PRSS54: variants seen among roughly 807,000 people sequenced by gnomAD.
The protein encoded by PRSS54 is inactive serine protease 54.
PRSS54 carries 16 observed loss-of-function variants against 19.9 expected under a neutral mutation model. That is an observed-to-expected ratio of 0.80 (90% CI 0.54 to 1.22). The LOEUF (loss-of-function observed/expected upper bound fraction) is 1.22, where lower values mean the gene tolerates loss of function less well. PRSS54 is among the 50% of genes most tolerant of loss of function. PRSS54 has a pLI of 0.00. For synonymous variants in PRSS54, 177 were observed against 195.8 expected (o/e 0.90, Z 0.80); for missense variants, 444 against 494.8 (o/e 0.90, Z 0.97).
chr16:58,293,046 T>G (rs1440710699), intron 3 of PRSS54, among the ~76,000 whole-genome samples: 1 of 151,966 alleles, frequency 6.6e-6, no homozygotes, highest in Non-Finnish European at 1.5e-5. Flanking sequence ...TGCGTGTATG[T>G]GTGTGCAAGT....
At chr16:58,293,695 G>T in intron 3 of PRSS54, 37 bp downstream of exon 3, 1 of 1,591,204 alleles carries the variant, frequency 6.3e-7, no homozygotes, top group Non-Finnish European at 8.6e-7. Flanking sequence ...TGCCACGTGT[G>T]CAGCTAAAGT....
intron 4 of PRSS54, among the ~76,000 whole-genome samples, chr16:58,288,818 A>T (rs2142648286): frequency 6.6e-6 from 1 of 152,308 alleles, no homozygotes; most frequent in East Asian, 1.9e-4. Flanking sequence ...AAAAGAATGC[A>T]TTAGCCCTTT....
At chr16:58,286,270 A>C (rs943913490) in intron 4 of PRSS54, 75 bp from the exon 5 acceptor site, 4 of 1,518,342 alleles carry the variant, frequency 2.6e-6, no homozygotes, top group Non-Finnish European at 3.6e-6. Context: ...TTCCCATTTA[A>C]GTTTTTTCAG....
intron 4 of PRSS54, among the ~76,000 whole-genome samples, chr16:58,289,418 T>C (rs1270666741): frequency 1.3e-5 from 2 of 152,182 alleles, no homozygotes; most frequent in African/African-American, 4.8e-5. Flanking sequence ...GGTATATAGA[T>C]ATCCATGAGT....
chr16:58,293,867 T>G (rs994398278), intron 2 of PRSS54, 45 bp from the exon 3 acceptor site: 2 of 1,518,326 alleles, frequency 1.3e-6, no homozygotes, highest in Admixed American at 3.7e-5. Flanking sequence ...CCCAAACACA[T>G]GCAGGGTTTT....
chr16:58,289,995 TCCC>T (rs1017084370), intron 4 of PRSS54, among the ~76,000 whole-genome samples: 2 of 151,648 alleles, frequency 1.3e-5, no homozygotes, highest in African/African-American at 4.8e-5. Context: ...TTATTCTCTC[TCCC>T]CCAATACTCT....
At position 58,280,519 on chromosome 16, in the gene PRSS54, T is replaced by G; in HGVS notation, c.893A>C (p.Gln298Pro). 6.2e-7 allele frequency: 1 copy of G among 1,614,182 alleles called. No individual in the cohort carries two copies. The highest frequency in any genetic ancestry group is 8.5e-7 in the Non-Finnish European group (1 of 1,180,020). The change falls in exon 7 of 7, where the codon CAG becomes CCG. Residue 298 changes from glutamine to proline, a missense_variant. Gln to Pro is a moderately conservative substitution (Grantham distance 76). Transcript: ENST00000567164. ...CAGTTCAGAATCAGAATATGTCTTCTGTGTCATGGTGGCATTTGGTCCATG... is the reference window on the plus strand; with the variant it reads ...CAGTTCAGAATCAGAATATGTCTTCGGTGTCATGGTGGCATTTGGTCCATG... ...SHHGPNATMT[Q>P]KTYSDSELGH...
intron 3 of PRSS54, 53 bp downstream of exon 3, chr16:58,293,679 C>T: frequency 4.5e-6 from 7 of 1,572,158 alleles, no homozygotes; most frequent in Non-Finnish European, 6.0e-6. Context: ...GGATGATCCC[C>T]TTCTGTGCCA....
At chr16:58,285,904 C>T (rs558151130) in intron 5 of PRSS54, 33 bp downstream of exon 5, 38 of 1,610,768 alleles carry the variant, frequency 2.4e-5, no homozygotes, top group African/African-American at 1.3e-4. Flanking sequence ...CCAGCACACA[C>T]GCAGCCTTCT....
At chr16:58,284,810 AG>A in intron 5 of PRSS54, 89 bp from the exon 6 acceptor site, 1 of 1,442,852 alleles carries the variant, frequency 6.9e-7, no homozygotes, top group Non-Finnish European at 9.3e-7. Flanking sequence ...GCCAAACGAG[AG>A]TGAGAATTTT....
At chr16:58,284,820 T>A in intron 5 of PRSS54, 99 bp from the exon 6 acceptor site, 1 of 1,247,972 alleles carries the variant, frequency 8.0e-7, no homozygotes, top group Non-Finnish European at 1.1e-6. Flanking sequence ...AGTGAGAATT[T>A]TTTTTTTTTT....
intron 6 of PRSS54, chr16:58,281,434 C>G (rs1964733176): frequency 6.6e-6 from 1 of 152,404 alleles, no homozygotes; most frequent in Admixed American, 6.5e-5. Flanking sequence ...AGAATATTAG[C>G]TACCATCATC....
chr16:58,280,715 C>T lies in PRSS54; in HGVS notation c.697G>A (p.Asp233Asn), dbSNP rs769699261. Residue 233 changes from aspartate (D) to asparagine (N), a missense_variant, in exon 7 of 7, where the codon GAT (aspartate) becomes AAT (asparagine). Physicochemically the swap from Asp to Asn is conservative, Grantham distance 23. Transcript: ENST00000567164. ...SPMMCQLQQF[D>N]LWVLRGVLNF... ...AGGACTCCTCTCAGAACCCACAGAT[C>T]GAACTGCTGTAGCTGGCACATCATT... The T allele has an allele frequency of 2.2e-5, 35 of 1,613,400 alleles. No homozygotes were observed. Among genetic ancestry groups the T allele is most frequent in the South Asian group, 7.7e-5 (7 of 91,046 alleles).
At chr16:58,288,470 T>C (rs571862765) in intron 4 of PRSS54, among the ~76,000 whole-genome samples, 4 of 152,200 alleles carry the variant, frequency 2.6e-5, no homozygotes, top group East Asian at 3.9e-4. Flanking sequence ...GCTCTGACTT[T>C]AATAAAACCC....
intron 5 of PRSS54, among the ~76,000 whole-genome samples, 193 bp downstream of exon 5, chr16:58,285,744 A>AGG (rs1555513786): frequency 1.3e-5 from 1 of 77,350 alleles, no homozygotes; most frequent in Non-Finnish European, 2.3e-5. Flanking sequence ...AAAAAAAAAA[A>AGG]AAGAAGAAGA....
At chr16:58,290,736 C>A (rs930256932) in intron 4 of PRSS54, among the ~76,000 whole-genome samples, 1 of 152,220 alleles carries the variant, frequency 6.6e-6, no homozygotes, top group African/African-American at 2.4e-5. Context: ...ATGGAGGACT[C>A]ATCATTGCAT....
chr16:58,285,212 C>T (rs1232123544), intron 5 of PRSS54: 1 of 156,962 alleles, frequency 6.4e-6, no homozygotes, highest in Non-Finnish European at 1.4e-5. Context: ...AATGTGCAAA[C>T]AGGCAGAGAA....
At chr16:58,288,805 GA>G (rs1414647498) in intron 4 of PRSS54, among the ~76,000 whole-genome samples, 1 of 152,118 alleles carries the variant, frequency 6.6e-6, no homozygotes, top group African/African-American at 2.4e-5. Flanking sequence ...TGGTGCAGCT[GA>G]AAAAAGAATG....
chr16:58,284,129 CA>C (rs1350051992), intron 6 of PRSS54, among the ~76,000 whole-genome samples: 2 of 3,610 alleles, frequency 5.5e-4, no homozygotes, highest in Non-Finnish European at 9.1e-4. Flanking sequence ...GACTTCTACA[CA>C]TTTTTTTTTG....
Sources: gnomAD v4.1 joint callset for allele counts (sites outside exome capture counted in the v4.1 genomes callset) on GRCh38, gnomAD v4.1.1 for gene constraint, MANE v1.5 for transcripts, NCBI Gene and HGNC (gene_info 2026-07-23, HGNC 2026-07-21) for gene names.